RIN3: variants seen among roughly 807,000 people sequenced by gnomAD.
RIN3 encodes the protein Ras and Rab interactor 3.
RIN3 carries 54 observed loss-of-function variants against 76.3 expected under a neutral mutation model. The ratio of observed to expected loss-of-function variants is 0.71; its 90% CI spans 0.57 to 0.89. The LOEUF (loss-of-function observed/expected upper bound fraction) is 0.89. Ranked by LOEUF, RIN3 falls within the 40% of genes least tolerant of loss-of-function variation. RIN3 has a pLI of 0.00. For missense variants in RIN3, 1,256 were observed against 1,322.1 expected (o/e 0.95, Z 0.78); for synonymous variants, 576 against 564.0 (o/e 1.02, Z -0.30).
intron 3 of RIN3, among the ~76,000 whole-genome samples, chr14:92,598,707 G>T (rs1307662705): frequency 6.6e-6 from 1 of 152,166 alleles, no homozygotes; most frequent in Non-Finnish European, 1.5e-5. Flanking sequence ...GTCTCTGCTT[G>T]CAAGGAGACT....
chr14:92,663,614 A>T (rs1329885465), intron 7 of RIN3, among the ~76,000 whole-genome samples: 1 of 152,064 alleles, frequency 6.6e-6, no homozygotes, highest in Non-Finnish European at 1.5e-5. Context: ...GAGCACCGTG[A>T]CTCCCAATTT....
chr14:92,589,239 G>A (rs916253045), intron 3 of RIN3, among the ~76,000 whole-genome samples: 3 of 151,980 alleles, frequency 2.0e-5, no homozygotes, highest in Admixed American at 6.6e-5. Context: ...CATGTATTGT[G>A]TTCACTCCCA....
intron 2 of RIN3, among the ~76,000 whole-genome samples, chr14:92,559,432 G>A (rs1566842485): frequency 6.6e-6 from 1 of 152,184 alleles, no homozygotes. Context: ...TAGCAGGAGA[G>A]ACATAAAAGT....
intron 4 of RIN3, among the ~76,000 whole-genome samples, chr14:92,622,716 A>T (rs1000518970): frequency 2.6e-5 from 4 of 152,196 alleles, no homozygotes; most frequent in South Asian, 2.1e-4. Context: ...TGGGCCTTTG[A>T]CAGGAAGCAC....
rs1382646622 is a variant in RIN3, at chr14:92,522,313, G to A, written c.44+8337G>A. Among the ~76,000 whole-genome samples the A allele has an allele frequency of 2.7e-5, 4 of 150,408 alleles. No homozygotes were observed. The East Asian group carries it at 5.8e-4, about 22-fold the overall frequency. ...ACCGGTGGGGGGCTCTCACCTGTAT[G>A]TATGTGGTGTGTGTGTGTGTGTGTG... On this transcript the variant is annotated intron_variant, in intron 1 of 9. Coordinates refer to ENST00000216487, the MANE Select transcript of RIN3 (RefSeq NM_024832.5).
intron 3 of RIN3, among the ~76,000 whole-genome samples, chr14:92,604,836 G>A (rs1885467149): frequency 6.7e-6 from 1 of 150,286 alleles, no homozygotes; most frequent in Non-Finnish European, 1.5e-5. Flanking sequence ...GTAGGTCCCA[G>A]GGCCCATATA....
chr14:92,515,203 G>A (rs1896405377), intron 1 of RIN3: 1 of 689,304 alleles, frequency 1.5e-6, no homozygotes, highest in Non-Finnish European at 2.6e-6. Context: ...TCTCGAAAGC[G>A]ACCTCTGCAA....
intron 1 of RIN3, among the ~76,000 whole-genome samples, chr14:92,534,001 A>C (rs1896939916): frequency 6.6e-6 from 1 of 152,200 alleles, no homozygotes; most frequent in South Asian, 2.1e-4. Context: ...ATTGGATAGC[A>C]CTGGCTAGAC....
chr14:92,592,554 C>G (rs1396382988), intron 3 of RIN3, among the ~76,000 whole-genome samples: 1 of 151,750 alleles, frequency 6.6e-6, no homozygotes, highest in African/African-American at 2.4e-5. Flanking sequence ...CTCCTGTATA[C>G]TTTAAATCAC....
chr14:92,553,668 G>A (rs1457360092), intron 1 of RIN3, among the ~76,000 whole-genome samples: 9 of 152,156 alleles, frequency 5.9e-5, no homozygotes, highest in East Asian at 3.9e-4. Flanking sequence ...ACAGGCAGCC[G>A]GGAGCACACA....
intron 7 of RIN3, among the ~76,000 whole-genome samples, chr14:92,670,059 C>G (rs557106857): frequency 2.2e-5 from 3 of 138,676 alleles, no homozygotes; most frequent in Non-Finnish European, 3.1e-5. Flanking sequence ...CCAGACCCAG[C>G]TGATTTTTTT....
rs1016451220 is a variant in RIN3 at position 92,623,447 on chromosome 14, T to A, written c.440+7968T>A. ...ATAGATGTAATTTATCCAAGCTACA[T>A]TTTTATTAATAGCTACCATTGGAAA... On this transcript the variant is annotated intron_variant, in intron 4 of 9. Transcript: ENST00000216487. This position sits in a 1 kb window ranked among gnomAD's most constrained non-coding sequence, Gnocchi z 4.9. Among the ~76,000 whole-genome samples, 1 of 152,224 alleles carries A rather than the reference T, an allele frequency of 6.6e-6. No homozygotes were observed. Among genetic ancestry groups the A allele is most frequent in the Non-Finnish European group, 1.5e-5 (1 of 68,050 alleles).
intron 1 of RIN3, among the ~76,000 whole-genome samples, chr14:92,540,824 C>G (rs1595399198): frequency 6.6e-6 from 1 of 152,240 alleles, no homozygotes; most frequent in African/African-American, 2.4e-5. Context: ...GGTTGAGTCA[C>G]AGAATTGCAG....
intron 4 of RIN3, among the ~76,000 whole-genome samples, chr14:92,636,309 G>A (rs1267208271): frequency 2.6e-5 from 4 of 152,224 alleles, no homozygotes; most frequent in Admixed American, 2.6e-4. Context: ...ATAGTAGCTG[G>A]GCACAGCGGC....
chr14:92,527,195 C>T (rs537391790), intron 1 of RIN3, among the ~76,000 whole-genome samples: 106 of 152,004 alleles, frequency 7.0e-4, no homozygotes, highest in South Asian at 2.5e-3. Flanking sequence ...GGACTACAGG[C>T]GCCCGCCACC....
chr14:92,566,120 G>A (rs1163710693), intron 2 of RIN3, among the ~76,000 whole-genome samples: 1 of 152,212 alleles, frequency 6.6e-6, no homozygotes, highest in Non-Finnish European at 1.5e-5. Context: ...AGCAAGCCCG[G>A]CTATGGTAGC....
intron 1 of RIN3, among the ~76,000 whole-genome samples, chr14:92,530,185 T>G (rs1352458866): frequency 1.3e-5 from 2 of 152,236 alleles, no homozygotes; most frequent in African/African-American, 4.8e-5. Context: ...CTCATGCCTC[T>G]GGGTTAAGAA....
At chr14:92,661,758 C>CACAAAAAA (rs373869994) in intron 7 of RIN3, among the ~76,000 whole-genome samples, 85 of 133,278 alleles carry the variant, frequency 6.4e-4, no homozygotes, top group East Asian at 2.4e-3. Context: ...CACACACACA[C>CACAAAAAA]AAAAAATAGA....
chr14:92,544,432 GGGGGC>G (rs1897205305), intron 1 of RIN3, among the ~76,000 whole-genome samples: 5 of 5,318 alleles, frequency 9.4e-4, no homozygotes, highest in Admixed American at 3.0e-3. Flanking sequence ...GGGGGGGGGT[GGGGGC>G]GGGGGTCCCA....
Sources: gnomAD v4.1 joint callset for allele counts (sites outside exome capture counted in the v4.1 genomes callset) on GRCh38, gnomAD v4.1.1 for gene constraint, Gnocchi (gnomAD v3.1) non-coding constraint, MANE v1.5 for transcripts, NCBI Gene and HGNC (gene_info 2026-07-23, HGNC 2026-07-21) for gene names.